Variants in GABRR3 observed in about 807,000 individuals in gnomAD.
GABRR3 encodes the protein gamma-aminobutyric acid receptor subunit rho-3.
GABRR3 carries 29 observed loss-of-function variants against 43.2 expected under a neutral mutation model. That is an observed-to-expected ratio of 0.67 (90% confidence interval 0.50 to 0.92). The LOEUF (loss-of-function observed/expected upper bound fraction) is 0.92, where lower values mean the gene tolerates loss of function less well. Ranked by LOEUF, GABRR3 falls within the 40% of genes least tolerant of loss-of-function variation. The pLI, the probability that GABRR3 is intolerant of heterozygous loss-of-function variation, is 0.00. For missense variants in GABRR3, 576 were observed against 572.3 expected (o/e 1.01, Z -0.07); for synonymous variants, 206 against 195.9 (o/e 1.05, Z -0.43).
chr3:97,993,356 A>G (rs1409896904), intron 8 of GABRR3, among the ~76,000 whole-genome samples: 2 of 152,206 alleles, frequency 1.3e-5, no homozygotes, highest in Non-Finnish European at 1.5e-5. Flanking sequence ...TCTTCTAAGC[A>G]TGCCAGAAAG....
intron 9 of GABRR3, among the ~76,000 whole-genome samples, chr3:97,988,828 G>A (rs1296429681): frequency 6.6e-6 from 1 of 151,140 alleles, no homozygotes; most frequent in East Asian, 2.0e-4. Context: ...GGTAAGTGGT[G>A]GTGGTGGATG....
At chr3:98,001,994 A>ACT (rs1706652473) in intron 7 of GABRR3, among the ~76,000 whole-genome samples, 4 of 152,130 alleles carry the variant, frequency 2.6e-5, no homozygotes, top group Admixed American at 2.6e-4. Flanking sequence ...CCAAACCCGC[A>ACT]GTTCAGGGAT....
intron 8 of GABRR3, chr3:97,999,884 A>G (rs990898810): frequency 2.0e-5 from 3 of 152,148 alleles, no homozygotes; most frequent in African/African-American, 4.8e-5. Context: ...ATAATGTCAA[A>G]TGCTGTGGAG....
chr3:98,022,535 T>A (rs549918039), intron 3 of GABRR3, among the ~76,000 whole-genome samples: 5 of 152,186 alleles, frequency 3.3e-5, no homozygotes, highest in Non-Finnish European at 7.3e-5. Flanking sequence ...TTCTGCAGTC[T>A]GATTTCCCCA....
intron 2 of GABRR3, among the ~76,000 whole-genome samples, chr3:98,030,191 G>T (rs1314543118): frequency 2.0e-5 from 3 of 150,966 alleles, no homozygotes; most frequent in African/African-American, 7.3e-5. Flanking sequence ...AACTCCCCTA[G>T]AAATTCATCT....
intron 3 of GABRR3, among the ~76,000 whole-genome samples, chr3:98,018,896 G>A (rs916572713): frequency 2.0e-5 from 3 of 152,156 alleles, no homozygotes; most frequent in East Asian, 1.9e-4. Flanking sequence ...GATCACTTGA[G>A]GACAGGAGTT....
chr3:98,030,570 T>C (rs1707075030), intron 2 of GABRR3, among the ~76,000 whole-genome samples: 1 of 152,232 alleles, frequency 6.6e-6, no homozygotes, highest in South Asian at 2.1e-4. Flanking sequence ...TCTAGGTATC[T>C]TTTTCCACAT....
chr3:98,026,602 G>GTCACCATCATCATCATTAGCA (rs1707020474), intron 2 of GABRR3, among the ~76,000 whole-genome samples: 1 of 101,528 alleles, frequency 9.8e-6, no homozygotes, highest in Non-Finnish European at 2.3e-5. Flanking sequence ...AAAGGTGGCT[G>GTCACCATCATCATCATTAGCA]TCATCATCAT....
chr3:97,996,158 T>A (rs995412500), intron 8 of GABRR3, among the ~76,000 whole-genome samples: 29 of 152,066 alleles, frequency 1.9e-4, no homozygotes, highest in African/African-American at 6.3e-4. Context: ...AACCACTGAG[T>A]TTCTTCACCC....
intron 4 of GABRR3, 43 bp from the exon 5 acceptor site, chr3:98,012,610 T>C (rs764163117): frequency 3.6e-6 from 5 of 1,387,756 alleles, no homozygotes; most frequent in South Asian, 2.4e-5. Flanking sequence ...AGTAGGAATA[T>C]GGTTCAGGAT....
chr3:98,015,789 G>A (rs1706865810), intron 4 of GABRR3, among the ~76,000 whole-genome samples: 1 of 152,208 alleles, frequency 6.6e-6, no homozygotes, highest in African/African-American at 2.4e-5. Flanking sequence ...ACGTGATAGA[G>A]TTTGGATGTT....
chr3:97,994,852 C>G (rs1357513491), intron 8 of GABRR3, among the ~76,000 whole-genome samples: 1 of 152,214 alleles, frequency 6.6e-6, no homozygotes, highest in Non-Finnish European at 1.5e-5. Context: ...AAAGAAGACA[C>G]TGTGGCTTTC....
At chr3:98,033,808 C>A (rs1707120473) in intron 2 of GABRR3, among the ~76,000 whole-genome samples, 1 of 152,084 alleles carries the variant, frequency 6.6e-6, no homozygotes, top group South Asian at 2.1e-4. Context: ...CATCTCAGGT[C>A]TGGGTCTGGG....
chr3:98,008,439 A>T (rs1259974115), intron 6 of GABRR3, among the ~76,000 whole-genome samples: 1 of 152,196 alleles, frequency 6.6e-6, no homozygotes, highest in East Asian at 1.9e-4. Flanking sequence ...ATTTGCAAAA[A>T]CTGCAGTCAG....
At chr3:98,018,763 G>A (rs1706903498) in intron 3 of GABRR3, among the ~76,000 whole-genome samples, 1 of 152,120 alleles carries the variant, frequency 6.6e-6, no homozygotes, top group Non-Finnish European at 1.5e-5. Flanking sequence ...AATTATGGTT[G>A]AGAAAATATA....
rs1576039519 is a variant in GABRR3 at position 98,001,902 on chromosome 3, G to A, written c.755-135C>T. The A allele has an allele frequency of 1.1e-5, 9 of 810,650 alleles. No homozygotes were observed. The South Asian group carries it at 1.7e-4, about 15-fold the overall frequency. The allele number at this position is 810,650 out of a possible 1,614,324, so 50.2% of individuals were successfully genotyped here. A position where few individuals can be genotyped will look rare whatever the true frequency, so the allele number is the denominator to read the frequency against. On this transcript the variant is annotated intron_variant, in intron 7 of 9. Coordinates refer to ENST00000621172, the Ensembl canonical transcript of GABRR3. ...TGACAAACTCATCTCCATTTAGTTG[G>A]GCCTGGCACTCCATCAACATTTGTT...
chr3:97,991,408 C>T (rs144466393), intron 9 of GABRR3, among the ~76,000 whole-genome samples: 47 of 152,334 alleles, frequency 3.1e-4, no homozygotes, highest in South Asian at 8.3e-4. Flanking sequence ...GTGATGCCTA[C>T]GCACCACTGC....
chr3:98,023,062 G>A (rs1706970775), intron 3 of GABRR3, among the ~76,000 whole-genome samples: 1 of 152,168 alleles, frequency 6.6e-6, no homozygotes, highest in East Asian at 1.9e-4. Flanking sequence ...GTAAGGTTTA[G>A]GGGAATCACT....
intron 2 of GABRR3, among the ~76,000 whole-genome samples, chr3:98,025,890 C>A (rs1292659674): frequency 4.6e-5 from 7 of 152,094 alleles, no homozygotes; most frequent in Non-Finnish European, 2.9e-5. Context: ...TTTTGGAGCA[C>A]ATTAAGTGAC....
Sources: gnomAD v4.1 joint callset for allele counts (sites outside exome capture counted in the v4.1 genomes callset) on GRCh38, gnomAD v4.1.1 for gene constraint, MANE v1.5 for transcripts, NCBI Gene and HGNC (gene_info 2026-07-23, HGNC 2026-07-21) for gene names.